NUMB: variants seen among roughly 807,000 people sequenced by gnomAD.
The protein encoded by NUMB is protein numb homolog.
A neutral mutation model predicts 59.7 loss-of-function variants in NUMB; 29 were observed. That is an observed-to-expected ratio of 0.49 (90% CI 0.36 to 0.66). The LOEUF is 0.66. Among genes scored for constraint, NUMB ranks in the 30% least tolerant of loss-of-function variants. The probability of loss-of-function intolerance (pLI) is 0.00; values close to 1 mark genes in which losing one functional copy is unlikely to be tolerated. For synonymous variants in NUMB, 288 were observed against 288.2 expected, an observed-to-expected ratio of 1.00 and a Z score of 0.01; for missense variants, 723 against 822.0, an observed-to-expected ratio of 0.88 and a Z score of 1.47.
chr14:73,367,341 A>ATT (rs1237052911), intron 2 of NUMB, among the ~76,000 whole-genome samples: 9 of 102,182 alleles, frequency 8.8e-5, no homozygotes, highest in African/African-American at 5.2e-4. Context: ...ATATATATAT[A>ATT]TATATATAGA....
At chr14:73,424,398 AT>A (rs565997408) in intron 1 of NUMB, among the ~76,000 whole-genome samples, 19 of 152,274 alleles carry the variant, frequency 1.2e-4, no homozygotes, top group African/African-American at 4.6e-4. Context: ...AAACCTTTGC[AT>A]TTGGGGACAA....
chr14:73,450,621 C>G (rs1361681340), intron 1 of NUMB, among the ~76,000 whole-genome samples: 3 of 151,588 alleles, frequency 2.0e-5, no homozygotes, highest in Admixed American at 6.6e-5. Flanking sequence ...ATGGCGGAAC[C>G]CTGTTTCTAC....
At chr14:73,378,644 C>T (rs1336291565) in intron 2 of NUMB, among the ~76,000 whole-genome samples, 1 of 152,092 alleles carries the variant, frequency 6.6e-6, no homozygotes, top group Non-Finnish European at 1.5e-5. Flanking sequence ...GTGAAAAAAG[C>T]CAATCTGAAA....
chr14:73,300,247 G>C (rs1005442134), intron 6 of NUMB, among the ~76,000 whole-genome samples: 1 of 152,106 alleles, frequency 6.6e-6, no homozygotes, highest in Admixed American at 6.6e-5. Context: ...GGTGAGATGG[G>C]GCTAGAATAC....
intron 1 of NUMB, among the ~76,000 whole-genome samples, chr14:73,447,895 C>G (rs1342348950): frequency 2.0e-5 from 3 of 151,510 alleles, no homozygotes; most frequent in African/African-American, 7.3e-5. Flanking sequence ...CCCTCGGGTT[C>G]AAGCGATTCT....
intron 4 of NUMB, among the ~76,000 whole-genome samples, chr14:73,330,451 A>C (rs1035175738): frequency 5.3e-5 from 8 of 152,162 alleles, no homozygotes; most frequent in Non-Finnish European, 1.0e-4. Context: ...TTTGCCAATT[A>C]AGTAGAAGCA....
intron 1 of NUMB, among the ~76,000 whole-genome samples, chr14:73,411,567 T>C (rs1388040469): frequency 6.6e-6 from 1 of 152,136 alleles, no homozygotes; most frequent in Non-Finnish European, 1.5e-5. Flanking sequence ...AACTCAGTAG[T>C]GCTTTTCTTC....
Position 73,279,323 on chromosome 14 carries a change from C to T in NUMB, c.1198G>A (p.Ala400Thr). 1 of 1,614,126 alleles carries T rather than the reference C, an allele frequency of 6.2e-7. No individual in the cohort carries two copies. The highest frequency in any genetic ancestry group is 8.5e-7 in the Non-Finnish European group (1 of 1,179,980). Residue 400 changes from alanine to threonine, a missense_variant, in exon 12 of 13, where the codon GCC (alanine) becomes ACC (threonine). Coordinates refer to ENST00000555238, the MANE Select transcript of NUMB (RefSeq NM_001005743.2). Reference sequence around the variant, plus strand: ...ATTTCCTTGTTAGCAGCATCAGGGGCATGGGCCCAAGGGTTGGTTTCACGC... The same window carrying T: ...ATTTCCTTGTTAGCAGCATCAGGGGTATGGGCCCAAGGGTTGGTTTCACGC... ...PVRETNPWAH[A>T]PDAANKEIAA... is the part of the protein sequence containing the mutation.
intron 2 of NUMB, among the ~76,000 whole-genome samples, chr14:73,404,916 G>A (rs1896588580): frequency 6.6e-6 from 1 of 151,872 alleles, no homozygotes; most frequent in Non-Finnish European, 1.5e-5. Context: ...ACGCACCACT[G>A]AGCCCGGCTA....
At chr14:73,373,848 T>C (rs1269719539) in intron 2 of NUMB, among the ~76,000 whole-genome samples, 6 of 151,762 alleles carry the variant, frequency 4.0e-5, no homozygotes, top group Admixed American at 3.3e-4. Context: ...GAACTACAGA[T>C]GCACACCACC....
At chr14:73,427,029 A>T (rs1364127949) in intron 1 of NUMB, among the ~76,000 whole-genome samples, 2 of 152,172 alleles carry the variant, frequency 1.3e-5, no homozygotes, top group African/African-American at 4.8e-5. Flanking sequence ...TTAAAAAAAT[A>T]AAAAATAAAA....
At chr14:73,308,619 G>A (rs968093810) in intron 6 of NUMB, among the ~76,000 whole-genome samples, 6 of 152,058 alleles carry the variant, frequency 3.9e-5, no homozygotes, top group Non-Finnish European at 5.9e-5. Context: ...CTTGTAAGAC[G>A]GAAATACCAT....
Position 73,292,815 on chromosome 14 carries a change from A to G in NUMB, c.369T>C (p.Phe123=). 6.2e-7 allele frequency: 1 copy of G among 1,614,240 alleles called. No homozygotes were observed. Among genetic ancestry groups the G allele is most frequent in the Non-Finnish European group, 8.5e-7 (1 of 1,180,026 alleles). Residue 123 remains phenylalanine (F), a synonymous_variant, in exon 8 of 13, where the codon TTT becomes TTC. Transcript: ENST00000555238. The part of the protein sequence containing the change: ...KVSFCAPDRN[F]DRAFSYICRD... Reference sequence around the variant, plus strand: ...GGCATATGTAAGAAAAGGCTCTATCAAAGTTCCTGTCTGGGGCACAGAAAG... The same window carrying G: ...GGCATATGTAAGAAAAGGCTCTATCGAAGTTCCTGTCTGGGGCACAGAAAG...
At chr14:73,400,263 G>A (rs1210856739) in intron 2 of NUMB, among the ~76,000 whole-genome samples, 2 of 152,142 alleles carry the variant, frequency 1.3e-5, no homozygotes, top group East Asian at 1.9e-4. Context: ...GGTTACCAAA[G>A]GTTAGGTGAG....
At chr14:73,334,006 A>G (rs1252896110) in intron 4 of NUMB, among the ~76,000 whole-genome samples, 1 of 151,814 alleles carries the variant, frequency 6.6e-6, no homozygotes, top group Non-Finnish European at 1.5e-5. Flanking sequence ...CTGGGACCAC[A>G]GGCATCTGCC....
intron 1 of NUMB, among the ~76,000 whole-genome samples, chr14:73,418,703 G>A (rs769505557): frequency 3.9e-5 from 6 of 152,072 alleles, no homozygotes; most frequent in African/African-American, 9.6e-5. Context: ...CCCGGGAGGC[G>A]GAGGTTGCAG....
rs1002713754 is a variant in NUMB at position 73,316,379 on chromosome 14, A to G, written c.234+11T>C. On this transcript the variant is annotated intron_variant, in intron 6 of 12. Transcript: ENST00000555238. ...CTTATAAAGCAAGCATGAATGTGGC[A>G]TCAAACTTACTTTTCCAAAGAAGCC... 6.2e-7 allele frequency: 1 copy of G among 1,612,942 alleles called. No homozygotes were observed. Among genetic ancestry groups the G allele is most frequent in the Admixed American group, 1.7e-5 (1 of 59,982 alleles).
chr14:73,295,059 CAAAAAAAAAAAAA>C (rs1168287763), intron 7 of NUMB, among the ~76,000 whole-genome samples: 1 of 67,210 alleles, frequency 1.5e-5, no homozygotes, highest in Non-Finnish European at 2.7e-5. Context: ...GGCACTGTCT[CAAAAAAAAAAAAA>C]AAAAAAAAAA....
At chr14:73,281,192 G>A (rs1888614259) in intron 11 of NUMB, among the ~76,000 whole-genome samples, 1 of 151,926 alleles carries the variant, frequency 6.6e-6, no homozygotes, top group South Asian at 2.1e-4. Flanking sequence ...AGGAGGACCT[G>A]AGTTTAAATC....
Sources: gnomAD v4.1 joint callset for allele counts (sites outside exome capture counted in the v4.1 genomes callset) on GRCh38, gnomAD v4.1.1 for gene constraint, MANE v1.5 for transcripts, NCBI Gene and HGNC (gene_info 2026-07-23, HGNC 2026-07-21) for gene names.